Variants in CD58 observed in about 807,000 individuals in gnomAD.
CD58 encodes lymphocyte function-associated antigen 3.
CD58 carries 14 observed loss-of-function variants against 27.6 expected under a neutral mutation model. That is an observed-to-expected ratio of 0.51 (90% CI 0.34 to 0.79). The LOEUF (loss-of-function observed/expected upper bound fraction) is 0.79. CD58 is among the 30% of genes least tolerant of loss of function. The pLI is 0.02. For missense variants in CD58, 268 were observed against 301.7 expected (o/e 0.89, Z 0.83); for synonymous variants, 117 against 103.8 (o/e 1.13, Z -0.77).
At chr1:116,542,846 G>A (rs1355209420) in intron 2 of CD58, among the ~76,000 whole-genome samples, 2 of 152,210 alleles carry the variant, frequency 1.3e-5, no homozygotes, top group Admixed American at 6.5e-5. Context: ...GGCAGGTGGT[G>A]AGAGCTTGTG....
chr1:116,562,795 T>A (rs146663677), intron 1 of CD58, among the ~76,000 whole-genome samples: 5 of 152,302 alleles, frequency 3.3e-5, no homozygotes, highest in Non-Finnish European at 5.9e-5. Flanking sequence ...CACCTGGCCC[T>A]GCCCTTGACA....
At position 116,536,607 on chromosome 1, in the gene CD58, C is replaced by G. The variant is rs1208370041; in HGVS notation, c.365-379G>C. Among the ~76,000 whole-genome samples, 1 of 152,132 alleles carries G rather than the reference C, an allele frequency of 6.6e-6. No homozygotes were observed. Among genetic ancestry groups the G allele is most frequent in the African/African-American group, 2.4e-5 (1 of 41,438 alleles). On this transcript the variant is annotated intron_variant, in intron 2 of 5. Coordinates refer to ENST00000369489, the MANE Select transcript of CD58 (RefSeq NM_001779.3). This position sits in a 1 kb window ranked among gnomAD's most constrained non-coding sequence, Gnocchi z 5.4. ...TGGTTTAAAAGTGTGTGGCAGTTCT[C>G]TCTCTCTCCTGCTGCCTTGTGAAAA...
rs1243692519 is a variant in CD58 at position 116,550,045 on chromosome 1, T to C, written c.71-5441A>G. 6.6e-6 allele frequency among the ~76,000 whole-genome samples: 1 copy of C among 152,192 alleles called. No individual in the cohort carries two copies. The highest frequency in any genetic ancestry group is 1.9e-4 in the East Asian group (1 of 5,204). On this transcript the variant is annotated intron_variant, in intron 1 of 5. Transcript: ENST00000369489. The surrounding 1 kb of genome is among the most constrained non-coding windows in gnomAD (Gnocchi z 4.2). ...TTTATTGCTGAAAAAAAAAACATGC[T>C]AACAATCATTTGAGCCTTCAGCAAG...
intron 3 of CD58, among the ~76,000 whole-genome samples, chr1:116,529,445 G>A (rs1657528013): frequency 6.6e-6 from 1 of 152,176 alleles, no homozygotes; most frequent in African/African-American, 2.4e-5. Flanking sequence ...TTAACCAATG[G>A]AAGTAAATTC....
chr1:116,549,657 A>G (rs187868541), intron 1 of CD58, among the ~76,000 whole-genome samples: 2 of 152,234 alleles, frequency 1.3e-5, no homozygotes, highest in African/African-American at 2.4e-5. Flanking sequence ...AAACGATCAT[A>G]TAAGTATTTT....
At chr1:116,533,098 C>T in intron 3 of CD58, 1 of 745,968 alleles carries the variant, frequency 1.3e-6, no homozygotes, top group South Asian at 1.4e-5. Flanking sequence ...CGAAGTACAG[C>T]ACAGCCTGTG....
At position 116,528,112 on chromosome 1, in the gene CD58, TC is replaced by T. The variant is rs754449886; in HGVS notation, c.629-6130del. On this transcript the variant is annotated intron_variant, in intron 3 of 5. Transcript: ENST00000369489. The surrounding 1 kb of genome is among the most constrained non-coding windows in gnomAD (Gnocchi z 4.4). The stretch of plus-strand genomic sequence containing the variant: ...AGTGAACATTCTTAATCACTATTCT[TC>T]CCAGTGGAAAGTCATAAAAGTCACA... Among the ~76,000 whole-genome samples the T allele has an allele frequency of 2.6e-5, 4 of 152,314 alleles. No homozygotes were observed. Among genetic ancestry groups the T allele is most frequent in the Admixed American group, 2.6e-4 (4 of 15,300 alleles).
At position 116,544,564 on chromosome 1, in the gene CD58, C is replaced by A; in HGVS notation, c.111G>T (p.Val37=). The A allele has an allele frequency of 6.2e-7, 1 of 1,610,750 alleles. No homozygotes were observed. Among genetic ancestry groups the A allele is most frequent in the Non-Finnish European group, 8.5e-7 (1 of 1,178,472 alleles). Residue 37 remains valine (V), a synonymous_variant, in exon 2 of 6, where the codon GTG becomes GTT. Coordinates refer to ENST00000369489, the MANE Select transcript of CD58 (RefSeq NM_001779.3). ...SCFSQQIYGV[V]YGNVTFHVPS... The stretch of plus-strand genomic sequence containing the variant: ...GTACATGGAAAGTTACATTCCCATA[C>A]ACAACACCATATATTTGTTGGGAAA...
At chr1:116,545,549 G>A (rs1557839484) in intron 1 of CD58, among the ~76,000 whole-genome samples, 2 of 152,176 alleles carry the variant, frequency 1.3e-5, no homozygotes. Context: ...GGGACTGTCA[G>A]GTCTCCTTGG....
At chr1:116,561,594 T>G (rs1285877459) in intron 1 of CD58, among the ~76,000 whole-genome samples, 1 of 152,234 alleles carries the variant, frequency 6.6e-6, no homozygotes, top group Admixed American at 6.5e-5. Context: ...TGCTGACCTA[T>G]ATTTCCCATG....
chr1:116,549,176 T>C (rs751129020), intron 1 of CD58, among the ~76,000 whole-genome samples: 1 of 152,162 alleles, frequency 6.6e-6, no homozygotes, highest in Non-Finnish European at 1.5e-5. Flanking sequence ...CTTCTTAGAG[T>C]TGACATTCTA....
At chr1:116,533,031 C>CGTCCT in intron 3 of CD58, 2 of 729,310 alleles carry the variant, frequency 2.7e-6, no homozygotes, top group Non-Finnish European at 2.5e-6. Context: ...CCTTCTAATT[C>CGTCCT]GTCCTCTTCT....
At chr1:116,549,089 T>C (rs374133655) in intron 1 of CD58, among the ~76,000 whole-genome samples, 2 of 152,218 alleles carry the variant, frequency 1.3e-5, no homozygotes, top group South Asian at 2.1e-4. Flanking sequence ...GATTCATTTA[T>C]TCATTCACTC....
intron 1 of CD58, among the ~76,000 whole-genome samples, chr1:116,545,016 C>T (rs536956141): frequency 2.2e-4 from 33 of 152,222 alleles, no homozygotes; most frequent in African/African-American, 7.5e-4. Flanking sequence ...GCAGTTAGGC[C>T]GCAGGGCTGG....
intron 3 of CD58, chr1:116,533,745 T>C (rs1657695994): frequency 4.3e-6 from 3 of 704,674 alleles, no homozygotes; most frequent in African/African-American, 1.7e-5. Context: ...TATCAGATGT[T>C]GGTTCAACAT....
chr1:116,542,597 T>A (rs1658026044), intron 2 of CD58, among the ~76,000 whole-genome samples: 1 of 152,182 alleles, frequency 6.6e-6, no homozygotes, highest in Non-Finnish European at 1.5e-5. Context: ...ACAGGGATCA[T>A]GAGAAAGTTT....
chr1:116,532,799 G>C lies in CD58; in HGVS notation c.628+3166C>G, dbSNP rs1657660023. 3.8e-6 allele frequency: 2 copies of C among 528,856 alleles called. No homozygotes were observed. The highest frequency in any genetic ancestry group is 1.9e-5 in the African/African-American group (1 of 51,642). 32.8% of individuals were successfully genotyped at this position (528,856 alleles called of 1,614,324 possible). On this transcript the variant is annotated intron_variant, in intron 3 of 5. Coordinates refer to ENST00000369489, the MANE Select transcript of CD58 (RefSeq NM_001779.3). The surrounding 1 kb of genome is among the most constrained non-coding windows in gnomAD (Gnocchi z 5.1). The stretch of plus-strand genomic sequence containing the variant: ...ATAAGGAAAAAGGAAAAGTGAAAGT[G>C]AAAATCATGCACTTGAAAACGATTA...
chr1:116,548,945 G>A (rs1658289142), intron 1 of CD58, among the ~76,000 whole-genome samples: 1 of 152,178 alleles, frequency 6.6e-6, no homozygotes, highest in African/African-American at 2.4e-5. Context: ...AGGTAGGAAA[G>A]CAGGCTCCAA....
In CD58 at chr1:116,516,187, C is replaced by T. The variant is rs1211734099; in HGVS notation, c.744-1365G>A. ...GAGACTACAGGTGTGTGCTACCATA[C>T]CCAGCTTCATAACCCTTTAGTAACT... On this transcript the variant is annotated intron_variant, in intron 5 of 5. Coordinates refer to ENST00000369489, the MANE Select transcript of CD58 (RefSeq NM_001779.3). The surrounding 1 kb of genome is among the most constrained non-coding windows in gnomAD (Gnocchi z 6.1). 6.6e-6 allele frequency among the ~76,000 whole-genome samples: 1 copy of T among 152,188 alleles called. No individual in the cohort carries two copies. The highest frequency in any genetic ancestry group is 2.4e-5 in the African/African-American group (1 of 41,438).
Sources: gnomAD v4.1 joint callset for allele counts (sites outside exome capture counted in the v4.1 genomes callset) on GRCh38, gnomAD v4.1.1 for gene constraint, Gnocchi (gnomAD v3.1) non-coding constraint, MANE v1.5 for transcripts, NCBI Gene and HGNC (gene_info 2026-07-23, HGNC 2026-07-21) for gene names.